Variants in BTN3A2 observed in about 807,000 individuals in gnomAD.
BTN3A2 encodes the protein butyrophilin subfamily 3 member A2.
Under a neutral mutation model 37.6 loss-of-function variants are expected in BTN3A2, and 25 were observed. The ratio of observed to expected loss-of-function variants is 0.66; its 90% CI spans 0.48 to 0.93. The LOEUF is 0.93. Ranked by LOEUF, BTN3A2 falls within the 40% of genes least tolerant of loss-of-function variation. The pLI, the probability that BTN3A2 is intolerant of heterozygous loss-of-function variation, is 0.00. For synonymous variants in BTN3A2, 122 were observed against 159.4 expected, an observed-to-expected ratio of 0.77 and a Z score of 1.77; for missense variants, 266 against 410.9, an observed-to-expected ratio of 0.65 and a Z score of 3.05.
At chr6:26,373,576 T>A in intron 8 of BTN3A2, 163 bp downstream of exon 8, 1 of 490,044 alleles carries the variant, frequency 2.0e-6, no homozygotes, top group Non-Finnish European at 3.3e-6. Context: ...CACCCAGTGC[T>A]TTTTCTCTCT....
intron 5 of BTN3A2, among the ~76,000 whole-genome samples, chr6:26,372,356 G>A (rs9379864): frequency 0.076 from 11,615 of 152,102 alleles, 556 homozygotes; most frequent in Non-Finnish European, 0.11. Flanking sequence ...CAGGAAATAG[G>A]TATTATCATT....
Position 26,376,309 on chromosome 6 carries a change from G to T in BTN3A2, c.*547G>T. 1 of 206,748 alleles carries T rather than the reference G, an allele frequency of 4.8e-6. No individual in the cohort carries two copies. Among genetic ancestry groups the T allele is most frequent in the Non-Finnish European group, 9.8e-6 (1 of 102,290 alleles). The allele number at this position is 206,748 out of a possible 1,614,324, so 12.8% of individuals were successfully genotyped here. A position where few individuals can be genotyped will look rare whatever the true frequency, so the allele number is the denominator to read the frequency against. ...ATGTGGGGAGGGAAACAACAAAAAT[G>T]TAGAAAGAGGATCCTTGTTGCTTCT... On this transcript the variant is annotated 3_prime_UTR_variant, in exon 11 of 11. Coordinates refer to ENST00000377708, the MANE Select transcript of BTN3A2 (RefSeq NM_007047.5).
At chr6:26,370,208 C>T (rs1192422374) in intron 4 of BTN3A2, 114 bp from the exon 5 acceptor site, 6 of 1,344,704 alleles carry the variant, frequency 4.5e-6, no homozygotes, top group South Asian at 1.4e-5. Context: ...TTGTAAACAG[C>T]TCCTGAATGA....
intron 5 of BTN3A2, among the ~76,000 whole-genome samples, chr6:26,371,802 C>T (rs777844316): frequency 6.6e-6 from 1 of 152,082 alleles, no homozygotes; most frequent in Non-Finnish European, 1.5e-5. Context: ...CCTCAATCTC[C>T]CAAGTAGCTG....
chr6:26,374,519 G>T, intron 9 of BTN3A2, 146 bp downstream of exon 9: 1 of 951,550 alleles, frequency 1.1e-6, no homozygotes. Flanking sequence ...TGGAGCCTCT[G>T]AGAAACTCCT....
intron 7 of BTN3A2, 36 bp from the exon 8 acceptor site, chr6:26,373,351 C>A (rs776816280): frequency 1.2e-6 from 2 of 1,606,102 alleles, no homozygotes; most frequent in Non-Finnish European, 1.7e-6. Context: ...TCGCTTTGAG[C>A]ACCTTGATGA....
Position 26,373,407 on chromosome 6 carries a change from T to C in BTN3A2, c.958T>C (p.Leu320=). Reference sequence around the variant, plus strand: ...TGCAGAGAGGAAAAAAATCCAGTACTTGACTCGTGAGTGGCTTTGACATTT... The same window carrying C: ...TGCAGAGAGGAAAAAAATCCAGTACCTGACTCGTGAGTGGCTTTGACATTT... ...EELKRKKIQY[L]TRGEESSSDT... Residue 320 remains leucine (L), a synonymous_variant, in exon 8 of 11, where the codon TTG becomes CTG. Coordinates refer to ENST00000377708, the MANE Select transcript of BTN3A2 (RefSeq NM_007047.5). The C allele has an allele frequency of 6.2e-7, 1 of 1,601,690 alleles. No homozygotes were observed. Among genetic ancestry groups the C allele is most frequent in the Non-Finnish European group, 8.5e-7 (1 of 1,176,708 alleles).
intron 10 of BTN3A2, chr6:26,375,540 G>A: frequency 8.1e-7 from 1 of 1,232,820 alleles, no homozygotes; most frequent in Non-Finnish European, 1.1e-6. Flanking sequence ...AAACACAGCA[G>A]CAAACCAGAG....
chr6:26,373,571 A>C, intron 8 of BTN3A2, 158 bp downstream of exon 8: 1 of 401,544 alleles, frequency 2.5e-6, no homozygotes, highest in Non-Finnish European at 4.1e-6. Flanking sequence ...GAAACCACCC[A>C]GTGCTTTTTC....
Position 26,365,367 on chromosome 6 carries a change from T to C in BTN3A2, c.-67+15T>C, listed in dbSNP as rs12203176. On this transcript the variant is annotated intron_variant, in intron 1 of 10. Coordinates refer to ENST00000377708, the MANE Select transcript of BTN3A2 (RefSeq NM_007047.5). Reference sequence around the variant, plus strand: ...AATACCAAGGGGTAAGTGCAGGAAATTGATTAGAGCCTGGGCTACAACGCA... The same window carrying C: ...AATACCAAGGGGTAAGTGCAGGAAACTGATTAGAGCCTGGGCTACAACGCA... The C allele has an allele frequency of 0.12, 182,559 of 1,535,362 alleles. 11,575 individuals are homozygous for C. The highest frequency in any genetic ancestry group is 0.16 in the South Asian group (13,792 of 83,970).
In BTN3A2 at chr6:26,375,819, G is replaced by T. The variant is rs984854756; in HGVS notation, c.*57G>T. ...CAGGTGAGGAAATGCTTCAGATGAG[G>T]CTCCACCTTGTTAAATAAATTGGAT... On this transcript the variant is annotated 3_prime_UTR_variant, in exon 11 of 11. Transcript: ENST00000377708. 1 of 1,550,004 alleles carries T rather than the reference G, an allele frequency of 6.5e-7. No individual in the cohort carries two copies. The highest frequency in any genetic ancestry group is 1.4e-5 in the African/African-American group (1 of 72,954).
rs1213150242 is a variant in BTN3A2 at position 26,377,980 on chromosome 6, G to C, written c.*2218G>C. The C allele has an allele frequency of 1.3e-5, 2 of 152,262 alleles. No individual in the cohort carries two copies. The highest frequency in any genetic ancestry group is 4.8e-5 in the African/African-American group (2 of 41,444). The allele number at this position is 152,262 out of a possible 1,614,324, so 9.4% of individuals were successfully genotyped here. ...TGTTCCCACCCAACAAATGTGATAA[G>C]TGATCGTGCAGCCAGAGCCAGCCTT... On this transcript the variant is annotated 3_prime_UTR_variant, in exon 11 of 11. Transcript: ENST00000377708.
At chr6:26,371,471 G>A (rs186344544) in intron 5 of BTN3A2, among the ~76,000 whole-genome samples, 18 of 152,294 alleles carry the variant, frequency 1.2e-4, no homozygotes, top group Admixed American at 1.2e-3. Context: ...TAGGAATGTA[G>A]GAAGGCAGTG....
intron 10 of BTN3A2, chr6:26,375,569 C>A: frequency 7.0e-7 from 1 of 1,419,740 alleles, no homozygotes; most frequent in Non-Finnish European, 9.6e-7. Flanking sequence ...AGCCCAGTGG[C>A]ACTGTCCATA....
chr6:26,372,669 C>T, intron 5 of BTN3A2: 1 of 523,208 alleles, frequency 1.9e-6, no homozygotes, highest in South Asian at 3.0e-5. Context: ...AGTTACTTTC[C>T]ATGTGAGAGG....
chr6:26,372,906 T>G lies in BTN3A2; in HGVS notation c.725T>G (p.Phe242Cys), dbSNP rs745794122. ...TASISIADPF[F>C]RSAQPWIAAL... Reference sequence around the variant, plus strand: ...GCTCTCCCCTTCGCAGACCCCTTCTTCAGGAGCGCCCAGCCCTGGATCGCA... The same window carrying G: ...GCTCTCCCCTTCGCAGACCCCTTCTGCAGGAGCGCCCAGCCCTGGATCGCA... The change falls in exon 6 of 11, where the codon TTC becomes TGC. Residue 242 changes from phenylalanine to cysteine, a missense_variant. Phe to Cys is a radical substitution (Grantham distance 205). Coordinates refer to ENST00000377708, the MANE Select transcript of BTN3A2 (RefSeq NM_007047.5). 2 of 1,613,528 alleles carry G rather than the reference T, an allele frequency of 1.2e-6. No homozygotes were observed. Among genetic ancestry groups the G allele is most frequent in the Non-Finnish European group, 1.7e-6 (2 of 1,180,028 alleles).
Position 26,370,510 on chromosome 6 carries a change from G to A in BTN3A2, c.622G>A (p.Val208Met). ...GVGLYEVAAS[V>M]IMRGGSGEGV... ...GGGCCTATATGAAGTAGCAGCATCTGTGATCATGAGAGGCGGCTCCGGGGA... is the reference window on the plus strand; with the variant it reads ...GGGCCTATATGAAGTAGCAGCATCTATGATCATGAGAGGCGGCTCCGGGGA... Residue 208 changes from valine to methionine, a missense_variant, in exon 5 of 11, where the codon GTG becomes ATG. Val to Met is a conservative substitution (Grantham distance 21). Transcript: ENST00000377708. 1 of 1,614,234 alleles carries A rather than the reference G, an allele frequency of 6.2e-7. No individual in the cohort carries two copies.
chr6:26,371,626 G>A (rs1445623375), intron 5 of BTN3A2, among the ~76,000 whole-genome samples: 1 of 151,864 alleles, frequency 6.6e-6, no homozygotes, highest in African/African-American at 2.4e-5. Flanking sequence ...TGATAGATAA[G>A]CTTGCATTTG....
At chr6:26,368,943 TTC>T (rs1759820753) in intron 4 of BTN3A2, 31 bp downstream of exon 4, 1 of 1,264,308 alleles carries the variant, frequency 7.9e-7, no homozygotes, top group South Asian at 1.4e-5. Flanking sequence ...CTGAGAACAT[TTC>T]TCTGTAGGAT....
Sources: allele counts gnomAD v4.1 joint callset (sites outside exome capture counted in the v4.1 genomes callset), GRCh38; gene constraint gnomAD v4.1.1; transcripts MANE v1.5; gene names NCBI Gene and HGNC (gene_info 2026-07-23, HGNC 2026-07-21).